ZBTB7C: variants seen among roughly 807,000 people sequenced by gnomAD.
ZBTB7C encodes the protein zinc finger and BTB domain containing 7C.
A neutral mutation model predicts 25.7 loss-of-function variants in ZBTB7C; 8 were observed. The observed-to-expected ratio is 0.31, with a 90% CI of 0.18 to 0.56. ZBTB7C has a LOEUF of 0.56. Ranked by LOEUF, ZBTB7C falls within the 20% of genes least tolerant of loss-of-function variation. The pLI is 0.91. For synonymous variants in ZBTB7C, 394 were observed against 369.0 expected, an observed-to-expected ratio of 1.07 and a Z score of -0.78; for missense variants, 824 against 855.2, an observed-to-expected ratio of 0.96 and a Z score of 0.46.
chr18:48,190,781 G>A (rs188392042), intron 2 of ZBTB7C, among the ~76,000 whole-genome samples: 134 of 152,336 alleles, frequency 8.8e-4, no homozygotes, highest in Admixed American at 2.9e-3. Flanking sequence ...CAGCCTTGCT[G>A]TCCATGGCCT....
At chr18:48,102,564 C>CAAAAAA (rs58790347) in intron 3 of ZBTB7C, among the ~76,000 whole-genome samples, 2 of 95,624 alleles carry the variant, frequency 2.1e-5, no homozygotes. Flanking sequence ...GATCCTCCCT[C>CAAAAAA]AAAAAAAAAA....
chr18:48,353,101 T>G lies in ZBTB7C; in HGVS notation c.-303-14703A>C, dbSNP rs528580121. 2.6e-3 allele frequency among the ~76,000 whole-genome samples: 397 copies of G among 152,324 alleles called. 2 individuals carry two copies. Among genetic ancestry groups the G allele is most frequent in the Non-Finnish European group, 3.7e-3 (252 of 68,028 alleles). ...CATCATTTGCTTTTTCAGAGTGTCT[T>G]GCAGCCTGTATAGGGCTTTCCTATC... is the stretch of plus-strand genomic sequence containing the variant. On this transcript the variant is annotated intron_variant, in intron 1 of 4. Coordinates refer to ENST00000590800, the MANE Select transcript of ZBTB7C (RefSeq NM_001318841.2).
At chr18:48,203,023 C>T (rs1368066348) in intron 2 of ZBTB7C, among the ~76,000 whole-genome samples, 3 of 152,080 alleles carry the variant, frequency 2.0e-5, no homozygotes, top group Non-Finnish European at 4.4e-5. Flanking sequence ...TCTTCTCACC[C>T]TCACCCAGCC....
At chr18:48,356,972 C>G (rs1469690568) in intron 1 of ZBTB7C, among the ~76,000 whole-genome samples, 1 of 152,218 alleles carries the variant, frequency 6.6e-6, no homozygotes, top group East Asian at 1.9e-4. Context: ...CTTTCTCCCC[C>G]ACTGAACTGG....
chr18:48,337,901 G>A (rs1043109238), intron 2 of ZBTB7C, among the ~76,000 whole-genome samples: 3 of 152,140 alleles, frequency 2.0e-5, no homozygotes, highest in Non-Finnish European at 4.4e-5. Context: ...CCTCAAATAC[G>A]ACATGCTATG....
At chr18:48,275,286 C>G (rs1390171851) in intron 2 of ZBTB7C, among the ~76,000 whole-genome samples, 1 of 152,218 alleles carries the variant, frequency 6.6e-6, no homozygotes, top group Non-Finnish European at 1.5e-5. Flanking sequence ...AGGCAGCAGA[C>G]TATCATCGAA....
chr18:48,372,664 C>T (rs1389988057), intron 1 of ZBTB7C, among the ~76,000 whole-genome samples: 1 of 152,168 alleles, frequency 6.6e-6, no homozygotes, highest in African/African-American at 2.4e-5. Context: ...GTGCCAAACT[C>T]CTCAACATGG....
chr18:48,198,021 T>C (rs1402673481), intron 2 of ZBTB7C, among the ~76,000 whole-genome samples: 1 of 152,186 alleles, frequency 6.6e-6, no homozygotes, highest in Non-Finnish European at 1.5e-5. Context: ...GTTTGCAGTA[T>C]TGTGATGAGG....
At chr18:48,386,712 G>A (rs773806672) in intron 1 of ZBTB7C, among the ~76,000 whole-genome samples, 6 of 152,340 alleles carry the variant, frequency 3.9e-5, no homozygotes, top group East Asian at 1.9e-4. Context: ...CTGCAAGGAC[G>A]CTCAGTCAAA....
intron 3 of ZBTB7C, among the ~76,000 whole-genome samples, chr18:48,089,699 C>T (rs566092639): frequency 1.5e-4 from 23 of 152,246 alleles, no homozygotes; most frequent in African/African-American, 4.8e-4. Context: ...CCAGGTGACA[C>T]CAGATGCTTC....
intron 1 of ZBTB7C, among the ~76,000 whole-genome samples, chr18:48,393,432 T>C (rs1473021604): frequency 6.6e-6 from 1 of 152,090 alleles, no homozygotes; most frequent in Non-Finnish European, 1.5e-5. Context: ...CCTCTCTCCC[T>C]GACTGTCTCT....
intron 1 of ZBTB7C, among the ~76,000 whole-genome samples, chr18:48,360,935 C>T (rs1316398777): frequency 6.6e-6 from 1 of 152,068 alleles, no homozygotes; most frequent in East Asian, 1.9e-4. Flanking sequence ...AAAGCTAGGG[C>T]ATCCAAGGGT....
intron 2 of ZBTB7C, among the ~76,000 whole-genome samples, chr18:48,256,469 C>G (rs921183205): frequency 1.4e-5 from 1 of 69,036 alleles, no homozygotes; most frequent in African/African-American, 4.8e-5. Context: ...TTCATACATA[C>G]AAAAGCTCAA....
rs567767268 is a variant in ZBTB7C, at chr18:48,186,199, C to T, written c.-78-204G>A. Among the ~76,000 whole-genome samples the T allele has an allele frequency of 1.5e-3, 227 of 152,250 alleles. 1 individual carries two copies. The highest frequency in any genetic ancestry group is 5.3e-3 in the African/African-American group (221 of 41,588). On this transcript the variant is annotated intron_variant, in intron 2 of 4. Coordinates refer to ENST00000590800, the MANE Select transcript of ZBTB7C (RefSeq NM_001318841.2). ...TTCCACCCCTCCAGGCCCGTGGGCT[C>T]GGCCCACGCTGCCTCCCTCTCCCTC...
intron 3 of ZBTB7C, among the ~76,000 whole-genome samples, chr18:48,111,545 G>A (rs951952331): frequency 2.0e-5 from 3 of 152,202 alleles, no homozygotes; most frequent in Non-Finnish European, 4.4e-5. Flanking sequence ...TTATCCAGGG[G>A]AGGGAGGCAG....
At chr18:48,397,361 T>C (rs76644580) in intron 1 of ZBTB7C, among the ~76,000 whole-genome samples, 7,947 of 152,276 alleles carry the variant, frequency 0.052, 227 homozygotes, top group Non-Finnish European at 0.069. Context: ...TTGGTCCCGC[T>C]ACCATTCCTT....
intron 3 of ZBTB7C, chr18:48,137,318 T>C (rs2040203002): frequency 1.0e-6 from 1 of 985,432 alleles, no homozygotes; most frequent in Non-Finnish European, 1.2e-6. Context: ...TTAAGATCTT[T>C]GGAAAAGGTA....
At chr18:48,225,777 T>G (rs548228852) in intron 2 of ZBTB7C, among the ~76,000 whole-genome samples, 151 of 152,188 alleles carry the variant, frequency 9.9e-4, no homozygotes, top group African/African-American at 3.4e-3. Flanking sequence ...AGAGTCTCAC[T>G]CTGTCACCAG....
chr18:48,266,404 C>A (rs2144543941), intron 2 of ZBTB7C, among the ~76,000 whole-genome samples: 1 of 152,236 alleles, frequency 6.6e-6, no homozygotes, highest in South Asian at 2.1e-4. Flanking sequence ...GTGGCAGAAG[C>A]CTGAGGTTCT....
Sources: gnomAD v4.1 joint callset for allele counts (sites outside exome capture counted in the v4.1 genomes callset) on GRCh38, gnomAD v4.1.1 for gene constraint, MANE v1.5 for transcripts, NCBI Gene and HGNC (gene_info 2026-07-23, HGNC 2026-07-21) for gene names.